The following ARHGAP15 variants were observed in gnomAD, a reference collection of about 807,000 sequenced individuals.
ARHGAP15 encodes the protein rho GTPase-activating protein 15.
A neutral mutation model predicts 63.7 loss-of-function variants in ARHGAP15; 51 were observed. That is an observed-to-expected ratio of 0.80 (90% CI 0.64 to 1.01). ARHGAP15 has a LOEUF of 1.01. Among genes scored for constraint, ARHGAP15 ranks in the 50% least tolerant of loss-of-function variants. The pLI is 0.00. For missense variants in ARHGAP15, 560 were observed against 564.6 expected (o/e 0.99, Z 0.08); for synonymous variants, 191 against 193.8 (o/e 0.99, Z 0.12).
intron 6 of ARHGAP15, among the ~76,000 whole-genome samples, chr2:143,365,863 A>G (rs2105346214): frequency 1.3e-5 from 2 of 152,310 alleles, no homozygotes; most frequent in Middle Eastern, 6.8e-3. Flanking sequence ...GGTGTGTAAA[A>G]CACCAGGTAC....
intron 6 of ARHGAP15, among the ~76,000 whole-genome samples, chr2:143,411,705 C>T (rs998508368): frequency 6.6e-6 from 1 of 151,908 alleles, no homozygotes; most frequent in Non-Finnish European, 1.5e-5. Context: ...GTAACTAAAA[C>T]AGAAAAAATA....
chr2:143,130,471 G>T lies in ARHGAP15; in HGVS notation c.-15+1005G>T, dbSNP rs181227438. Among the ~76,000 whole-genome samples the T allele has an allele frequency of 3.7e-3, 562 of 152,222 alleles. 1 individual carries two copies. Among genetic ancestry groups the T allele is most frequent in the Non-Finnish European group, 6.4e-3 (438 of 67,954 alleles). On this transcript the variant is annotated intron_variant, in intron 1 of 13. Coordinates refer to ENST00000295095, the MANE Select transcript of ARHGAP15 (RefSeq NM_018460.4). ...ATTTTTATTGTGCTGCTGGATGGGA[G>T]AAGTGATGGCCCCCACAACACCTAT... is the stretch of plus-strand genomic sequence containing the variant.
chr2:143,140,033 G>A (rs1183530583), intron 1 of ARHGAP15, among the ~76,000 whole-genome samples: 4 of 152,138 alleles, frequency 2.6e-5, no homozygotes, highest in Non-Finnish European at 4.4e-5. Flanking sequence ...GGTTAAACGC[G>A]GTGGTAAGAG....
At chr2:143,744,790 A>C (rs1686099536) in intron 13 of ARHGAP15, among the ~76,000 whole-genome samples, 1 of 152,168 alleles carries the variant, frequency 6.6e-6, no homozygotes, top group South Asian at 2.1e-4. Context: ...ACCTACAACC[A>C]TGGAAAGGCC....
intron 6 of ARHGAP15, among the ~76,000 whole-genome samples, chr2:143,415,216 A>G (rs1688623218): frequency 6.6e-6 from 1 of 152,202 alleles, no homozygotes; most frequent in South Asian, 2.1e-4. Context: ...GTTTAGGAAA[A>G]AAAATTGATA....
intron 13 of ARHGAP15, among the ~76,000 whole-genome samples, chr2:143,732,485 C>T (rs938632350): frequency 1.3e-5 from 2 of 151,976 alleles, no homozygotes; most frequent in African/African-American, 4.8e-5. Flanking sequence ...AAGATTGATG[C>T]TCATATTTAC....
intron 6 of ARHGAP15, among the ~76,000 whole-genome samples, chr2:143,350,253 C>A (rs1406124668): frequency 6.6e-6 from 1 of 152,054 alleles, no homozygotes; most frequent in Admixed American, 6.6e-5. Flanking sequence ...TTCACTGATA[C>A]TGCATTTTGT....
Position 143,195,605 on chromosome 2 carries a change from A to C in ARHGAP15, c.166-6529A>C, listed in dbSNP as rs971167758. Among the ~76,000 whole-genome samples, 14 of 152,318 alleles carry C rather than the reference A, an allele frequency of 9.2e-5. 1 individual carries two copies. In the South Asian group the frequency reaches 2.3e-3, roughly 25 times the overall value. ...GTAAGAATTGGGATACACCAAAAAA[A>C]CTTTTAAGAGACTGTAGAGATAAAA... On this transcript the variant is annotated intron_variant, in intron 2 of 13. Transcript: ENST00000295095.
At chr2:143,371,161 ATTTAT>A (rs1158856042) in intron 6 of ARHGAP15, among the ~76,000 whole-genome samples, 1 of 152,182 alleles carries the variant, frequency 6.6e-6, no homozygotes, top group Admixed American at 6.5e-5. Flanking sequence ...GGCAAGATAA[ATTTAT>A]TTTACTTTAA....
At chr2:143,385,132 TAG>T (rs984069381) in intron 6 of ARHGAP15, among the ~76,000 whole-genome samples, 1 of 151,846 alleles carries the variant, frequency 6.6e-6, no homozygotes, top group Non-Finnish European at 1.5e-5. Context: ...AGTGAGGGAA[TAG>T]AGCTTGCAGA....
At chr2:143,226,721 G>C (rs1316654059) in intron 4 of ARHGAP15, among the ~76,000 whole-genome samples, 1 of 152,144 alleles carries the variant, frequency 6.6e-6, no homozygotes, top group Non-Finnish European at 1.5e-5. Context: ...TTCATTTAAA[G>C]ACAAGTGGGT....
At chr2:143,288,101 A>G (rs1682201484) in intron 6 of ARHGAP15, among the ~76,000 whole-genome samples, 1 of 152,246 alleles carries the variant, frequency 6.6e-6, no homozygotes, top group Non-Finnish European at 1.5e-5. Context: ...ACGAAGAAGC[A>G]GGACCAGTGC....
chr2:143,195,633 T>C (rs542660578), intron 2 of ARHGAP15, among the ~76,000 whole-genome samples: 3 of 152,296 alleles, frequency 2.0e-5, no homozygotes, highest in African/African-American at 7.2e-5. Context: ...AGATAAAAAC[T>C]AAACTTAACC....
chr2:143,300,458 T>C (rs1284240225), intron 6 of ARHGAP15, among the ~76,000 whole-genome samples: 1 of 152,076 alleles, frequency 6.6e-6, no homozygotes, highest in Non-Finnish European at 1.5e-5. Context: ...TATGAGTTGG[T>C]GTATCCCTAA....
At chr2:143,323,171 A>C (rs1261192718) in intron 6 of ARHGAP15, among the ~76,000 whole-genome samples, 1 of 152,176 alleles carries the variant, frequency 6.6e-6, no homozygotes, top group Non-Finnish European at 1.5e-5. Context: ...TATGTGTGAG[A>C]GTGTTTCACA....
intron 8 of ARHGAP15, among the ~76,000 whole-genome samples, chr2:143,482,709 C>A (rs1692135098): frequency 6.6e-6 from 1 of 152,182 alleles, no homozygotes; most frequent in Admixed American, 6.5e-5. Context: ...CCACGATATT[C>A]AAAGACTTTT....
rs568481337 is a variant in ARHGAP15 at position 143,134,881 on chromosome 2, C to T, written c.-15+5415C>T. 2.6e-5 allele frequency among the ~76,000 whole-genome samples: 4 copies of T among 152,058 alleles called. 1 individual carries two copies. Among genetic ancestry groups the T allele is most frequent in the African/African-American group, 9.6e-5 (4 of 41,494 alleles). On this transcript the variant is annotated intron_variant, in intron 1 of 13. Coordinates refer to ENST00000295095, the MANE Select transcript of ARHGAP15 (RefSeq NM_018460.4). The stretch of plus-strand genomic sequence containing the variant: ...GTCGATCTCCTGACCTCGTGATCTG[C>T]CCACCTTGACCTCCCAAAGTGCTGG...
chr2:143,341,465 A>G (rs758953608), intron 6 of ARHGAP15, among the ~76,000 whole-genome samples: 26 of 152,076 alleles, frequency 1.7e-4, no homozygotes, highest in Non-Finnish European at 2.6e-4. Context: ...TCCACTCCCA[A>G]TGCATTTTCT....
chr2:143,687,197 G>T (rs909973647), intron 12 of ARHGAP15, among the ~76,000 whole-genome samples: 1 of 151,896 alleles, frequency 6.6e-6, no homozygotes, highest in Admixed American at 6.6e-5. Context: ...GATTGATATG[G>T]CTTAAAGGCT....
Sources: allele counts gnomAD v4.1 joint callset (sites outside exome capture counted in the v4.1 genomes callset), GRCh38; gene constraint gnomAD v4.1.1; transcripts MANE v1.5; gene names NCBI Gene and HGNC (gene_info 2026-07-23, HGNC 2026-07-21).